Variants in INKA2 observed in about 807,000 individuals in gnomAD.
The protein encoded by INKA2 is PAK4-inhibitor INKA2.
A neutral mutation model predicts 9.8 loss-of-function variants in INKA2; 3 were observed. The ratio of observed to expected loss-of-function variants is 0.31; its 90% CI spans 0.14 to 0.79. The LOEUF (loss-of-function observed/expected upper bound fraction) is 0.79. INKA2 is among the 30% of genes least tolerant of loss of function. The pLI, the probability that INKA2 is intolerant of heterozygous loss-of-function variation, is 0.62. For synonymous variants in INKA2, 147 were observed against 143.3 expected, an observed-to-expected ratio of 1.03 and a Z score of -0.18; for missense variants, 392 against 384.4, an observed-to-expected ratio of 1.02 and a Z score of -0.17.
chr1:111,727,836 G>A (rs1169964462), intron 1 of INKA2, 32 bp from the exon 2 acceptor site: 4 of 1,592,150 alleles, frequency 2.5e-6, no homozygotes, highest in Non-Finnish European at 3.4e-6. Flanking sequence ...TGGGGCCTAT[G>A]AGCCACAGTG....
chr1:111,751,345 C>A (rs1031202533), intron 1 of INKA2, among the ~76,000 whole-genome samples: 2 of 152,252 alleles, frequency 1.3e-5, no homozygotes, highest in Admixed American at 1.3e-4. Flanking sequence ...ACGACAGCCA[C>A]ACTTTGAACA....
At chr1:111,742,591 T>C (rs1663173359), upstream of INKA2, among the ~76,000 whole-genome samples, 2 of 152,118 alleles carry the variant, frequency 1.3e-5, no homozygotes, top group Admixed American at 1.3e-4. Context: ...CTCAAAAAAA[T>C]AACTCTCTTC....
rs189992724 is a variant in INKA2 at position 111,723,113 on chromosome 1, G to A, written c.*3855C>T. ...CTGGCAGAAGTGCCTTAACTGCACC[G>A]GATGGGGAAGGCACCTGAGGTGGGT... is the stretch of plus-strand genomic sequence containing the variant. On this transcript the variant is annotated 3_prime_UTR_variant, in exon 2 of 2. Transcript: ENST00000357260. 107 of 700,330 alleles carry A rather than the reference G, an allele frequency of 1.5e-4. No homozygotes were observed. Among genetic ancestry groups the A allele is most frequent in the Non-Finnish European group, 2.1e-4 (79 of 383,854 alleles). The allele number at this position is 700,330 out of a possible 1,614,324, so 43.4% of individuals were successfully genotyped here.
intron 1 of INKA2, among the ~76,000 whole-genome samples, chr1:111,735,837 C>G (rs1662997279): frequency 6.6e-6 from 1 of 152,202 alleles, no homozygotes; most frequent in Non-Finnish European, 1.5e-5. Context: ...AACTGCTTCC[C>G]CATGCCTCAG....
chr1:111,745,133 T>C (rs1663231736), intron 1 of INKA2, among the ~76,000 whole-genome samples: 1 of 151,408 alleles, frequency 6.6e-6, no homozygotes, highest in African/African-American at 2.4e-5. Context: ...TTTGGAGCTA[T>C]GGGCTTGGTG....
chr1:111,752,256 A>G (rs1016682549), intron 1 of INKA2, among the ~76,000 whole-genome samples: 2 of 152,158 alleles, frequency 1.3e-5, no homozygotes, highest in African/African-American at 4.8e-5. Context: ...TATCTTGGGG[A>G]GGTAAGCTCC....
At chr1:111,728,887 G>A (rs1303503769) in intron 1 of INKA2, among the ~76,000 whole-genome samples, 1 of 144,570 alleles carries the variant, frequency 6.9e-6, no homozygotes, top group African/African-American at 2.6e-5. Context: ...GCTGGGCAGT[G>A]GGCAGTGGAG....
At chr1:111,731,090 A>C (rs1033400355) in intron 1 of INKA2, among the ~76,000 whole-genome samples, 1 of 152,190 alleles carries the variant, frequency 6.6e-6, no homozygotes, top group Non-Finnish European at 1.5e-5. Flanking sequence ...GTGTGGAAAA[A>C]TCCAGAAGAA....
At chr1:111,739,480 C>A, upstream of INKA2, 5 of 1,367,032 alleles carry the variant, frequency 3.7e-6, no homozygotes, top group Non-Finnish European at 4.8e-6. Flanking sequence ...GGGGGGCTGT[C>A]TTCAGCCAAT....
chr1:111,730,636 C>G (rs1000566472), intron 1 of INKA2, among the ~76,000 whole-genome samples: 1 of 152,204 alleles, frequency 6.6e-6, no homozygotes, highest in African/African-American at 2.4e-5. Flanking sequence ...AGACGTACCC[C>G]CCATGCTCCT....
upstream of INKA2, among the ~76,000 whole-genome samples, chr1:111,743,789 G>C (rs1004981254): frequency 1.3e-5 from 2 of 152,226 alleles, no homozygotes; most frequent in African/African-American, 4.8e-5. Flanking sequence ...ACCCTCCCAA[G>C]GGCAGGGGCC....
chr1:111,743,197 TC>T (rs765796171), upstream of INKA2, among the ~76,000 whole-genome samples: 30 of 151,894 alleles, frequency 2.0e-4, no homozygotes, highest in Non-Finnish European at 3.7e-4. Flanking sequence ...CCCACCCCCC[TC>T]CGAAACTCAG....
rs78041402 is a variant in INKA2, at chr1:111,724,607, T to C, written c.*2361A>G. The C allele has an allele frequency of 7.3e-4, 107 of 147,050 alleles. 1 individual carries two copies. Among genetic ancestry groups the C allele is most frequent in the African/African-American group, 2.4e-3 (94 of 38,838 alleles). The allele number at this position is 147,050 out of a possible 1,614,324, so 9.1% of individuals were successfully genotyped here. A position where few individuals can be genotyped will look rare whatever the true frequency, so the allele number is the denominator to read the frequency against. On this transcript the variant is annotated 3_prime_UTR_variant, in exon 2 of 2. Transcript: ENST00000357260. The stretch of plus-strand genomic sequence containing the variant: ...CACACACACACACACACACCACCAC[T>C]ACCACCACCACCACCACCACCTCCA...
chr1:111,754,209 G>T (rs1663473952), intron 1 of INKA2: 1 of 152,218 alleles, frequency 6.6e-6, no homozygotes, highest in Non-Finnish European at 1.5e-5. Context: ...GTGGTCTGGG[G>T]ATTAGGCAGA....
Position 111,723,283 on chromosome 1 carries a change from G to C in INKA2, c.*3685C>G, listed in dbSNP as rs1453389052. On this transcript the variant is annotated 3_prime_UTR_variant, in exon 2 of 2. Coordinates refer to ENST00000357260, the MANE Select transcript of INKA2 (RefSeq NM_019099.5). ...AGGAGATGGGGATGTGGAGAGGACAGAGCAACCTTCTTTGGGGCAAGTTTG... is the reference window on the plus strand; with the variant it reads ...AGGAGATGGGGATGTGGAGAGGACACAGCAACCTTCTTTGGGGCAAGTTTG... The C allele has an allele frequency of 3.7e-6, 2 of 535,954 alleles. No individual in the cohort carries two copies. Among genetic ancestry groups the C allele is most frequent in the African/African-American group, 4.0e-5 (2 of 50,570 alleles). The allele number at this position is 535,954 out of a possible 1,614,324, so 33.2% of individuals were successfully genotyped here. A position where few individuals can be genotyped will look rare whatever the true frequency, so the allele number is the denominator to read the frequency against.
At chr1:111,728,038 T>TACACACACACACAC (rs60867844) in intron 1 of INKA2, among the ~76,000 whole-genome samples, 3,232 of 109,336 alleles carry the variant, frequency 0.03, 167 homozygotes, top group African/African-American at 0.088. Context: ...CCCCACCCCA[T>TACACACACACACAC]ACACACACAC....
intron 1 of INKA2, among the ~76,000 whole-genome samples, chr1:111,749,448 G>A (rs539723049): frequency 0.055 from 6,575 of 119,464 alleles, 195 homozygotes; most frequent in African/African-American, 0.11. Context: ...GTGTGTGTGC[G>A]CGCGCGCGCG....
upstream of INKA2, among the ~76,000 whole-genome samples, chr1:111,741,829 C>T (rs547140926): frequency 6.6e-6 from 1 of 152,328 alleles, no homozygotes; most frequent in Non-Finnish European, 1.5e-5. Context: ...GATTTTCGTG[C>T]CTCAGCCTCC....
chr1:111,727,314 TCACCCTTCTCCC>T lies in INKA2; in HGVS notation c.536_547del (p.Gly179_Gly182del). 1.2e-6 allele frequency: 2 copies of T among 1,614,070 alleles called. No individual in the cohort carries two copies. Among genetic ancestry groups the T allele is most frequent in the Non-Finnish European group, 1.7e-6 (2 of 1,179,994 alleles). On this transcript the variant is annotated inframe_deletion, in exon 2 of 2. Coordinates refer to ENST00000357260, the MANE Select transcript of INKA2 (RefSeq NM_019099.5). ...TTTGGGTTCACGTGCCCCCCCAGTC[TCACCCTTCTCCC>T]CACCCTTCTCCAGTTCTGGCAAGTC...
Sources: gnomAD v4.1 joint callset for allele counts (sites outside exome capture counted in the v4.1 genomes callset) on GRCh38, gnomAD v4.1.1 for gene constraint, MANE v1.5 for transcripts, NCBI Gene and HGNC (gene_info 2026-07-23, HGNC 2026-07-21) for gene names.